ADAM9: variants seen among roughly 807,000 people sequenced by gnomAD.
ADAM9 encodes ADAM metallopeptidase domain 9.
In ADAM9, 54 loss-of-function variants were observed where a neutral mutation model predicts 108.1. The ratio of observed to expected loss-of-function variants is 0.50; its 90% CI spans 0.40 to 0.63. The LOEUF (loss-of-function observed/expected upper bound fraction) is 0.63, where lower values mean the gene tolerates loss of function less well. ADAM9 is among the 20% of genes least tolerant of loss of function. ADAM9 has a pLI of 0.00. For missense variants in ADAM9, 830 were observed against 997.7 expected, an observed-to-expected ratio of 0.83 and a Z score of 2.26; for synonymous variants, 316 against 336.0, an observed-to-expected ratio of 0.94 and a Z score of 0.65.
At chr8:39,018,583 A>T in intron 6 of ADAM9, 1 of 462,322 alleles carries the variant, frequency 2.2e-6, no homozygotes, top group Non-Finnish European at 3.9e-6. Flanking sequence ...ATATTAGTGC[A>T]GATAGCAGAT....
At chr8:39,028,318 A>G (rs1191492843) in intron 11 of ADAM9, among the ~76,000 whole-genome samples, 1 of 152,212 alleles carries the variant, frequency 6.6e-6, no homozygotes, top group Non-Finnish European at 1.5e-5. Flanking sequence ...AGGCTCAAAA[A>G]TAGATATGGA....
chr8:39,093,572 C>CTT (rs777606697), intron 20 of ADAM9, among the ~76,000 whole-genome samples: 2 of 152,130 alleles, frequency 1.3e-5, no homozygotes, highest in Non-Finnish European at 2.9e-5. Context: ...ATTTGGATGT[C>CTT]TTTTATTTCT....
At chr8:39,023,938 G>T (rs1388590274) in intron 9 of ADAM9, among the ~76,000 whole-genome samples, 2 of 151,928 alleles carry the variant, frequency 1.3e-5, no homozygotes. Flanking sequence ...CAGAGATGGG[G>T]TCTCACCATG....
chr8:39,086,674 T>C (rs1839189738), intron 18 of ADAM9, among the ~76,000 whole-genome samples: 1 of 152,218 alleles, frequency 6.6e-6, no homozygotes, highest in Admixed American at 6.5e-5. Context: ...TTTTATTAGA[T>C]GCCAGAAGTT....
In ADAM9 at chr8:39,037,553, G is replaced by A. The variant is rs79776138; in HGVS notation, c.1131-4393G>A. 7.7e-4 allele frequency among the ~76,000 whole-genome samples: 115 copies of A among 149,712 alleles called. 2 individuals carry two copies. The East Asian group carries it at 0.021, about 28-fold the overall frequency. ...AACTCCTCCCACCCCAGCCTCCTGAGTAGCTGGGACTACAGGTGTGCACCA... is the reference window on the plus strand; with the variant it reads ...AACTCCTCCCACCCCAGCCTCCTGAATAGCTGGGACTACAGGTGTGCACCA... On this transcript the variant is annotated intron_variant, in intron 11 of 21. Coordinates refer to ENST00000487273, the MANE Select transcript of ADAM9 (RefSeq NM_003816.3).
intron 20 of ADAM9, 76 bp downstream of exon 20, chr8:39,091,422 T>G (rs879559403): frequency 4.0e-5 from 49 of 1,220,232 alleles, no homozygotes; most frequent in Non-Finnish European, 5.8e-5. Context: ...AACACAGTTA[T>G]ATAGCTATAG....
intron 12 of ADAM9, among the ~76,000 whole-genome samples, chr8:39,045,031 T>TGC (rs1837594987): frequency 1.3e-5 from 1 of 75,488 alleles, no homozygotes; most frequent in Non-Finnish European, 2.5e-5. Flanking sequence ...TGTGTGTGCA[T>TGC]ACATACATAT....
chr8:39,084,543 T>G (rs1839124942), intron 18 of ADAM9, among the ~76,000 whole-genome samples: 1 of 152,030 alleles, frequency 6.6e-6, no homozygotes, highest in Non-Finnish European at 1.5e-5. Flanking sequence ...TAATTTAAAT[T>G]TTACTGTAGC....
intron 15 of ADAM9, 36 bp downstream of exon 15, chr8:39,071,439 AT>A: frequency 8.8e-7 from 1 of 1,132,882 alleles, no homozygotes; most frequent in Non-Finnish European, 1.3e-6. Flanking sequence ...AATATGAAAG[AT>A]TATAAGATCC....
intron 14 of ADAM9, among the ~76,000 whole-genome samples, chr8:39,058,338 C>G (rs908824848): frequency 6.6e-6 from 1 of 152,120 alleles, no homozygotes; most frequent in African/African-American, 2.4e-5. Flanking sequence ...TAACTTCCAC[C>G]CATTCTGTAT....
intron 11 of ADAM9, among the ~76,000 whole-genome samples, chr8:39,032,421 T>C (rs1837126250): frequency 1.3e-5 from 2 of 152,216 alleles, no homozygotes; most frequent in African/African-American, 4.8e-5. Flanking sequence ...CACAGGTCAA[T>C]CTGCCTGCTG....
chr8:39,006,154 G>A (rs1486922067), intron 1 of ADAM9, among the ~76,000 whole-genome samples: 1 of 152,174 alleles, frequency 6.6e-6, no homozygotes, highest in Admixed American at 6.5e-5. Context: ...TATAAATCAA[G>A]TTTGATTCCT....
Position 39,044,892 on chromosome 8 carries a change from ATG to A in ADAM9, c.1302+2782_1302+2783del, listed in dbSNP as rs1013884730. On this transcript the variant is annotated intron_variant, in intron 12 of 21. Coordinates refer to ENST00000487273, the MANE Select transcript of ADAM9 (RefSeq NM_003816.3). ...TATACATACATATATATGTATATATATGTGTGTGCACACATACATATGTATGT... is the reference window on the plus strand; with the variant it reads ...TATACATACATATATATGTATATATATGTGTGCACACATACATATGTATGT... 8.4e-5 allele frequency among the ~76,000 whole-genome samples: 12 copies of A among 143,108 alleles called. No homozygotes were observed. The East Asian group carries it at 1.0e-3, about 12-fold the overall frequency. The allele number at this position is 143,108 out of a possible 152,430, so 93.9% of individuals were successfully genotyped here. A position where few individuals can be genotyped will look rare whatever the true frequency, so the allele number is the denominator to read the frequency against.
chr8:39,094,859 CTTAGTT>C (rs1210433431), intron 20 of ADAM9, among the ~76,000 whole-genome samples: 2 of 151,988 alleles, frequency 1.3e-5, no homozygotes, highest in African/African-American at 4.8e-5. Context: ...AAAACCAACT[CTTAGTT>C]TTATTGATTC....
chr8:39,080,977 G>A (rs1388426543), intron 16 of ADAM9, among the ~76,000 whole-genome samples: 1 of 146,368 alleles, frequency 6.8e-6, no homozygotes, highest in Non-Finnish European at 1.5e-5. Flanking sequence ...TTGAGGCAGG[G>A]TCTCGCTCTT....
intron 11 of ADAM9, among the ~76,000 whole-genome samples, chr8:39,031,787 T>TTA (rs752643455): frequency 3.3e-5 from 5 of 152,358 alleles, no homozygotes; most frequent in Non-Finnish European, 7.3e-5. Flanking sequence ...CTTTGTGGTT[T>TTA]TATCTACCTT....
intron 11 of ADAM9, among the ~76,000 whole-genome samples, chr8:39,034,991 C>G (rs956104270): frequency 6.6e-6 from 1 of 152,112 alleles, no homozygotes; most frequent in Admixed American, 6.5e-5. Context: ...TCGGAAAATT[C>G]TCAGTCATGT....
rs1160506890 is a variant in ADAM9, at chr8:39,037,496, C to T, written c.1131-4450C>T. Among the ~76,000 whole-genome samples, 23 of 136,114 alleles carry T rather than the reference C, an allele frequency of 1.7e-4. No individual in the cohort carries two copies. The East Asian group carries it at 4.4e-3, about 26-fold the overall frequency. The allele number at this position is 136,114 out of a possible 152,430, so 89.3% of individuals were successfully genotyped here. On this transcript the variant is annotated intron_variant, in intron 11 of 21. Transcript: ENST00000487273. Reference sequence around the variant, plus strand: ...TTTTGGAGACAGGGTCTCTGGAGAGCAGTGGCTTGATCATAGCTCACTGCA... The same window carrying T: ...TTTTGGAGACAGGGTCTCTGGAGAGTAGTGGCTTGATCATAGCTCACTGCA...
At chr8:39,050,188 A>G (rs1015593405) in intron 12 of ADAM9, among the ~76,000 whole-genome samples, 3 of 151,964 alleles carry the variant, frequency 2.0e-5, no homozygotes, top group African/African-American at 7.3e-5. Context: ...ACTGCTTTCA[A>G]AATTCTCTTT....
Sources: allele counts gnomAD v4.1 joint callset (sites outside exome capture counted in the v4.1 genomes callset), GRCh38; gene constraint gnomAD v4.1.1; transcripts MANE v1.5; gene names NCBI Gene and HGNC (gene_info 2026-07-23, HGNC 2026-07-21).